SGMS2: variants seen among roughly 807,000 people sequenced by gnomAD.
SGMS2 encodes sphingomyelin synthase 2, also known as phosphatidylcholine:ceramide cholinephosphotransferase 2.
SGMS2 carries 21 observed loss-of-function variants against 43.8 expected under a neutral mutation model. The ratio of observed to expected loss-of-function variants is 0.48; its 90% CI spans 0.34 to 0.69. The LOEUF (loss-of-function observed/expected upper bound fraction) is 0.69, where lower values mean the gene tolerates loss of function less well. Among genes scored for constraint, SGMS2 ranks in the 30% least tolerant of loss-of-function variants. SGMS2 has a pLI of 0.01. For missense variants in SGMS2, 384 were observed against 443.2 expected, an observed-to-expected ratio of 0.87 and a Z score of 1.20; for synonymous variants, 167 against 160.6, an observed-to-expected ratio of 1.04 and a Z score of -0.30.
intron 1 of SGMS2, among the ~76,000 whole-genome samples, chr4:107,837,854 G>GA (rs1326212776): frequency 1.3e-5 from 2 of 152,260 alleles, no homozygotes; most frequent in South Asian, 4.1e-4. Context: ...CATAACAGTA[G>GA]AAAAAATTAA....
Position 107,910,906 on chromosome 4 carries a change from G to A in SGMS2, c.*353G>A, listed in dbSNP as rs902529776. 2.0e-5 allele frequency: 4 copies of A among 201,828 alleles called. No homozygotes were observed. Among genetic ancestry groups the A allele is most frequent in the African/African-American group, 9.4e-5 (4 of 42,474 alleles). 12.5% of individuals were successfully genotyped at this position (201,828 alleles called of 1,614,324 possible). A position where few individuals can be genotyped will look rare whatever the true frequency, so the allele number is the denominator to read the frequency against. The stretch of plus-strand genomic sequence containing the variant: ...TTTTCAGGATATTTTTCAGCCCAAG[G>A]TCAGAAGAATGTGTTAATATTTTAA... On this transcript the variant is annotated 3_prime_UTR_variant, in exon 7 of 7. Coordinates refer to ENST00000690982, the MANE Select transcript of SGMS2 (RefSeq NM_001375905.1).
At chr4:107,870,136 A>G (rs1728455309) in intron 2 of SGMS2, among the ~76,000 whole-genome samples, 1 of 152,222 alleles carries the variant, frequency 6.6e-6, no homozygotes, top group South Asian at 2.1e-4. Context: ...CCTAATAACT[A>G]TATCAGCCTT....
At chr4:107,892,954 G>A (rs765962748) in intron 2 of SGMS2, 13 of 151,760 alleles carry the variant, frequency 8.6e-5, no homozygotes, top group East Asian at 1.9e-4. Context: ...CAAACATTTC[G>A]TCCCAAGATT....
chr4:107,831,604 A>G (rs1725894374), intron 1 of SGMS2, among the ~76,000 whole-genome samples: 1 of 152,224 alleles, frequency 6.6e-6, no homozygotes, highest in Non-Finnish European at 1.5e-5. Context: ...TTTTAAAACA[A>G]AGAGTTCAGT....
chr4:107,852,019 C>A lies in SGMS2; in HGVS notation c.-326-6453C>A, dbSNP rs528349074. ...TGATCAAAATGAAAAATGAGGTGTA[C>A]CGTTTTTATCCTCGGAGCATAATGA... On this transcript the variant is annotated intron_variant, in intron 1 of 6. Transcript: ENST00000690982. Among the ~76,000 whole-genome samples, 25 of 152,004 alleles carry A rather than the reference C, an allele frequency of 1.6e-4. No homozygotes were observed. The South Asian group carries it at 5.0e-3, about 30-fold the overall frequency.
At chr4:107,897,380 A>C (rs1730760030) in intron 3 of SGMS2, among the ~76,000 whole-genome samples, 1 of 152,236 alleles carries the variant, frequency 6.6e-6, no homozygotes, top group African/African-American at 2.4e-5. Context: ...CTAAAAGCAA[A>C]AAATGTATTT....
chr4:107,845,200 C>T (rs1468255650), intron 1 of SGMS2, among the ~76,000 whole-genome samples: 2 of 152,198 alleles, frequency 1.3e-5, no homozygotes, highest in African/African-American at 4.8e-5. Flanking sequence ...GATGTCGTAG[C>T]ATCCTGCAAG....
At chr4:107,880,985 C>G (rs76307772) in intron 2 of SGMS2, among the ~76,000 whole-genome samples, 4,178 of 152,042 alleles carry the variant, frequency 0.027, 131 homozygotes, top group East Asian at 0.1. Flanking sequence ...TATATACCCA[C>G]GTGTATTACA....
intron 1 of SGMS2, among the ~76,000 whole-genome samples, chr4:107,850,906 C>T (rs1251450954): frequency 6.6e-6 from 1 of 152,154 alleles, no homozygotes; most frequent in South Asian, 2.1e-4. Context: ...GTTGCAAAAC[C>T]TTCTACGAGT....
At chr4:107,829,112 G>A (rs1725752057) in intron 1 of SGMS2, among the ~76,000 whole-genome samples, 1 of 152,162 alleles carries the variant, frequency 6.6e-6, no homozygotes, top group African/African-American at 2.4e-5. Flanking sequence ...GCATTTAGCA[G>A]ACTTATCACT....
At chr4:107,839,557 AAATGTTT>A (rs1312615899) in intron 1 of SGMS2, among the ~76,000 whole-genome samples, 2 of 152,184 alleles carry the variant, frequency 1.3e-5, no homozygotes, top group Non-Finnish European at 2.9e-5. Context: ...GTTTTTGTGC[AAATGTTT>A]CCTAGTAACA....
chr4:107,873,459 G>T lies in SGMS2; in HGVS notation c.-245+14906G>T, dbSNP rs568380823. The T allele has an allele frequency of 6.6e-5, 10 of 152,070 alleles. No homozygotes were observed. The South Asian group carries it at 2.1e-3, about 32-fold the overall frequency. 9.4% of individuals were successfully genotyped at this position (152,070 alleles called of 1,614,324 possible). A position where few individuals can be genotyped will look rare whatever the true frequency, so the allele number is the denominator to read the frequency against. ...AAATCACTTGCCTTCATATACATAC[G>T]AGGGATATGAAAAGAATGTGAAAAT... is the stretch of plus-strand genomic sequence containing the variant. On this transcript the variant is annotated intron_variant, in intron 2 of 6. Coordinates refer to ENST00000690982, the MANE Select transcript of SGMS2 (RefSeq NM_001375905.1).
chr4:107,827,751 C>T (rs748065923), intron 1 of SGMS2, among the ~76,000 whole-genome samples: 2 of 152,002 alleles, frequency 1.3e-5, no homozygotes, highest in South Asian at 2.1e-4. Context: ...TTTGGGAGGC[C>T]GAGGCAGGCA....
At chr4:107,828,493 G>A (rs1725718954) in intron 1 of SGMS2, among the ~76,000 whole-genome samples, 1 of 152,114 alleles carries the variant, frequency 6.6e-6, no homozygotes, top group African/African-American at 2.4e-5. Flanking sequence ...ATGGACAACT[G>A]TATGTCACTA....
At chr4:107,826,345 C>A (rs995470286) in intron 1 of SGMS2, among the ~76,000 whole-genome samples, 6 of 152,150 alleles carry the variant, frequency 3.9e-5, no homozygotes, top group African/African-American at 1.4e-4. Flanking sequence ...CATGTGAAAT[C>A]CTTTGGCAAG....
rs201923294 is a variant in SGMS2 at position 107,850,286 on chromosome 4, TA to T, written c.-326-8183del. On this transcript the variant is annotated intron_variant, in intron 1 of 6. Transcript: ENST00000690982. ...ACTTCAATTAAACCTCTTTTCTTTA[TA>T]AATTACCCAGTCTCAGGTATTTCTT... Among the ~76,000 whole-genome samples, 533 of 152,332 alleles carry T rather than the reference TA, an allele frequency of 3.5e-3. 13 individuals carry two copies. In the East Asian group the frequency reaches 0.055, roughly 16 times the overall value.
intron 5 of SGMS2, chr4:107,907,096 C>T (rs990127543): frequency 1.3e-5 from 2 of 152,116 alleles, no homozygotes; most frequent in African/African-American, 4.8e-5. Context: ...TAAGGCCTCT[C>T]CCATTAAAAT....
At chr4:107,835,584 A>G (rs1330308085) in intron 1 of SGMS2, among the ~76,000 whole-genome samples, 4 of 152,188 alleles carry the variant, frequency 2.6e-5, no homozygotes, top group Non-Finnish European at 4.4e-5. Context: ...GCAGTGTCGC[A>G]TCGGACTCTG....
rs1474578656 is a variant in SGMS2 at position 107,847,271 on chromosome 4, A to G, written c.-326-11201A>G. Among the ~76,000 whole-genome samples, 11 of 152,252 alleles carry G rather than the reference A, an allele frequency of 7.2e-5. No individual in the cohort carries two copies. The South Asian group carries it at 2.3e-3, about 32-fold the overall frequency. On this transcript the variant is annotated intron_variant, in intron 1 of 6. Transcript: ENST00000690982. ...GGTCTAACATTTAAGTCTTTAATCC[A>G]TCTCGAATTGATTTTTGTATAAGGT...
Sources: allele counts gnomAD v4.1 joint callset (sites outside exome capture counted in the v4.1 genomes callset), GRCh38; gene constraint gnomAD v4.1.1; transcripts MANE v1.5; gene names NCBI Gene and HGNC (gene_info 2026-07-23, HGNC 2026-07-21).